The following SPIDR variants were observed in gnomAD, a reference collection of about 807,000 sequenced individuals.
SPIDR encodes the protein DNA repair-scaffolding protein.
In SPIDR, 93 loss-of-function variants were observed where a neutral mutation model predicts 104.6. The ratio of observed to expected loss-of-function variants is 0.89; its 90% CI spans 0.75 to 1.06. The LOEUF is 1.06. SPIDR is among the 50% of genes least tolerant of loss of function. The pLI, the probability that SPIDR is intolerant of heterozygous loss-of-function variation, is 0.00. For missense variants in SPIDR, 1,154 were observed against 1,111.2 expected (o/e 1.04, Z -0.55); for synonymous variants, 431 against 416.9 (o/e 1.03, Z -0.41).
intron 10 of SPIDR, among the ~76,000 whole-genome samples, chr8:47,634,619 T>C (rs1158164728): frequency 6.6e-6 from 1 of 152,154 alleles, no homozygotes; most frequent in Non-Finnish European, 1.5e-5. Flanking sequence ...TTTTTTAGCG[T>C]CATGCACTGC....
intron 5 of SPIDR, among the ~76,000 whole-genome samples, chr8:47,318,354 A>T (rs1322482665): frequency 2.1e-4 from 32 of 151,872 alleles, no homozygotes; most frequent in South Asian, 2.1e-4. Context: ...GTGATGGAAG[A>T]TGAAATGAAT....
chr8:47,651,382 T>C (rs776086183), intron 10 of SPIDR, among the ~76,000 whole-genome samples: 15 of 152,072 alleles, frequency 9.9e-5, no homozygotes, highest in Admixed American at 6.6e-5. Flanking sequence ...GAAATCCAAA[T>C]TAAAACCGCA....
intron 10 of SPIDR, among the ~76,000 whole-genome samples, chr8:47,649,252 A>G (rs1420940772): frequency 6.6e-6 from 1 of 151,942 alleles, no homozygotes; most frequent in Non-Finnish European, 1.5e-5. Context: ...AGAGCCTGTC[A>G]AGAAAAAGTG....
At chr8:47,489,143 C>A (rs1195543492) in intron 8 of SPIDR, among the ~76,000 whole-genome samples, 1 of 152,196 alleles carries the variant, frequency 6.6e-6, no homozygotes, top group African/African-American at 2.4e-5. Context: ...TGATAAGCAA[C>A]TTCAGCAAAG....
chr8:47,368,263 A>T lies in SPIDR; in HGVS notation c.526-28113A>T, dbSNP rs536169574. ...CCACATTGGTGATTAGTTTCAATGT[A>T]CAAGTTTTGGGGAGGACACAACATT... is the stretch of plus-strand genomic sequence containing the variant. On this transcript the variant is annotated intron_variant, in intron 5 of 19. Coordinates refer to ENST00000297423, the MANE Select transcript of SPIDR (RefSeq NM_001080394.4). 2.9e-3 allele frequency among the ~76,000 whole-genome samples: 414 copies of T among 143,048 alleles called. 1 individual carries two copies. Among genetic ancestry groups the T allele is most frequent in the African/African-American group, 0.01 (404 of 38,956 alleles). The allele number at this position is 143,048 out of a possible 152,430, so 93.8% of individuals were successfully genotyped here.
At chr8:47,554,784 G>A (rs1428731271) in intron 8 of SPIDR, among the ~76,000 whole-genome samples, 1 of 152,146 alleles carries the variant, frequency 6.6e-6, no homozygotes, top group East Asian at 1.9e-4. Context: ...TATGAACCCT[G>A]TAACTCAGTT....
intron 8 of SPIDR, among the ~76,000 whole-genome samples, chr8:47,486,807 T>C (rs1183383288): frequency 6.6e-6 from 1 of 152,108 alleles, no homozygotes; most frequent in Non-Finnish European, 1.5e-5. Flanking sequence ...TGCTGAGAGA[T>C]TTTGTCACCA....
At chr8:47,512,982 C>G (rs2082592493) in intron 8 of SPIDR, among the ~76,000 whole-genome samples, 1 of 152,172 alleles carries the variant, frequency 6.6e-6, no homozygotes, top group Non-Finnish European at 1.5e-5. Context: ...AGCTTTCTGA[C>G]TGTAAAAGCA....
At chr8:47,397,421 G>T (rs2061362758) in intron 6 of SPIDR, among the ~76,000 whole-genome samples, 2 of 152,086 alleles carry the variant, frequency 1.3e-5, no homozygotes, top group South Asian at 4.1e-4. Context: ...GCTTGAATCT[G>T]GGAGGCGGAG....
At chr8:47,323,168 T>C (rs1554597808) in intron 5 of SPIDR, among the ~76,000 whole-genome samples, 2 of 152,114 alleles carry the variant, frequency 1.3e-5, no homozygotes, top group African/African-American at 4.8e-5. Context: ...CTGTCATAGC[T>C]AAATAATAAC....
At chr8:47,358,292 T>G (rs1334779719) in intron 5 of SPIDR, among the ~76,000 whole-genome samples, 2 of 152,160 alleles carry the variant, frequency 1.3e-5, no homozygotes, top group African/African-American at 4.8e-5. Context: ...TTCACTATGT[T>G]GCCCCAGCTG....
At chr8:47,326,385 A>G (rs1310128160) in intron 5 of SPIDR, among the ~76,000 whole-genome samples, 1 of 152,202 alleles carries the variant, frequency 6.6e-6, no homozygotes, top group Non-Finnish European at 1.5e-5. Context: ...TGCCACGTAC[A>G]TACACATCTT....
intron 5 of SPIDR, among the ~76,000 whole-genome samples, chr8:47,316,521 C>G (rs1554589668): frequency 1.3e-5 from 2 of 152,144 alleles, no homozygotes; most frequent in African/African-American, 2.4e-5. Context: ...TACAACTTAG[C>G]AATGATAAGG....
At chr8:47,529,658 G>T (rs2085603442) in intron 8 of SPIDR, among the ~76,000 whole-genome samples, 1 of 151,934 alleles carries the variant, frequency 6.6e-6, no homozygotes, top group Non-Finnish European at 1.5e-5. Context: ...AAGAAAGGAG[G>T]ATTATAAGTG....
chr8:47,625,757 A>G (rs955856822), intron 10 of SPIDR, among the ~76,000 whole-genome samples: 1 of 152,118 alleles, frequency 6.6e-6, no homozygotes, highest in Admixed American at 6.6e-5. Flanking sequence ...CAAATGGAAG[A>G]ACATTCCATG....
At chr8:47,320,710 C>G (rs1241085437) in intron 5 of SPIDR, among the ~76,000 whole-genome samples, 3 of 152,154 alleles carry the variant, frequency 2.0e-5, no homozygotes, top group African/African-American at 7.2e-5. Context: ...AAAATACTGG[C>G]AAACCAAATC....
In SPIDR at chr8:47,474,516, G is replaced by T. The variant is rs146332806; in HGVS notation, c.1097+33974G>T. ...TCTGAGTGTTGGTTCTCTTTCTGGT[G>T]GGAGTGACGGGCAGCTCTTTGCCTT... On this transcript the variant is annotated intron_variant, in intron 8 of 19. Transcript: ENST00000297423. 7.9e-5 allele frequency among the ~76,000 whole-genome samples: 12 copies of T among 152,292 alleles called. No homozygotes were observed. The East Asian group carries it at 2.1e-3, about 27-fold the overall frequency.
In SPIDR at chr8:47,328,834, C is replaced by G. The variant is rs544860725; in HGVS notation, c.525+34804C>G. On this transcript the variant is annotated intron_variant, in intron 5 of 19. Coordinates refer to ENST00000297423, the MANE Select transcript of SPIDR (RefSeq NM_001080394.4). The stretch of plus-strand genomic sequence containing the variant: ...TGTTTCAGGGTTTTTTTTCTCAAGT[C>G]TTTCCTCATTTCTTTTACTTTAAAG... Among the ~76,000 whole-genome samples, 4 of 151,706 alleles carry G rather than the reference C, an allele frequency of 2.6e-5. No individual in the cohort carries two copies. The East Asian group carries it at 7.8e-4, about 29-fold the overall frequency.
intron 8 of SPIDR, among the ~76,000 whole-genome samples, chr8:47,489,038 A>G (rs1449331163): frequency 4.3e-4 from 65 of 152,314 alleles, no homozygotes; most frequent in Non-Finnish European, 6.0e-4. Context: ...AGGGTATTCA[A>G]TTAGGAAAAG....
Sources: allele counts gnomAD v4.1 joint callset (sites outside exome capture counted in the v4.1 genomes callset), GRCh38; gene constraint gnomAD v4.1.1; transcripts MANE v1.5; gene names NCBI Gene and HGNC (gene_info 2026-07-23, HGNC 2026-07-21).